Variants in PKHD1 observed in about 807,000 individuals in gnomAD.
PKHD1 encodes fibrocystin.
A neutral mutation model predicts 412.0 loss-of-function variants in PKHD1; 291 were observed. That is an observed-to-expected ratio of 0.71 (90% confidence interval 0.64 to 0.78). PKHD1 has a LOEUF of 0.78. Among genes scored for constraint, PKHD1 ranks in the 30% least tolerant of loss-of-function variants. The probability of loss-of-function intolerance (pLI) is 0.00; values close to 1 mark genes in which losing one functional copy is unlikely to be tolerated. For missense variants in PKHD1, 4,825 were observed against 4,950.7 expected, an observed-to-expected ratio of 0.97 and a Z score of 0.76; for synonymous variants, 1,777 against 1,821.5, an observed-to-expected ratio of 0.98 and a Z score of 0.62.
chr6:51,729,853 A>C (rs1783040224), intron 60 of PKHD1, among the ~76,000 whole-genome samples: 1 of 152,158 alleles, frequency 6.6e-6, no homozygotes, highest in Admixed American at 6.6e-5. Flanking sequence ...ATTTGAGTAC[A>C]TAATATTAAT....
rs201746552 is a variant in PKHD1, at chr6:52,069,473, T to C, written c.762A>G (p.Leu254=). 2.5e-6 allele frequency: 4 copies of C among 1,612,284 alleles called. No individual in the cohort carries two copies. The East Asian group carries it at 8.9e-5, about 36-fold the overall frequency. The stretch of plus-strand genomic sequence containing the variant: ...GGATAGTACCTGAGTGTGTCTGGTA[T>C]AGGAAAAGATCCTGTTTAGCACTGA... ...WLISAKQDLF[L]YQTHSEILSV... Residue 254 remains leucine, a synonymous_variant, in exon 11 of 67, where the codon CTA becomes CTG. Coordinates refer to ENST00000371117, the MANE Select transcript of PKHD1 (RefSeq NM_138694.4).
intron 55 of PKHD1, among the ~76,000 whole-genome samples, chr6:51,763,262 G>T (rs1170106458): frequency 3.3e-5 from 5 of 151,994 alleles, no homozygotes; most frequent in African/African-American, 4.8e-5. Flanking sequence ...AGCATTGAAA[G>T]ATTTAAATGA....
chr6:51,899,652 G>A (rs987705580), intron 43 of PKHD1, among the ~76,000 whole-genome samples: 7 of 151,550 alleles, frequency 4.6e-5, no homozygotes. Flanking sequence ...ACATAGTGTT[G>A]GAAGTTCTGG....
At position 51,619,524 on chromosome 6, in the gene PKHD1, G is replaced by T. The variant is rs777439001; in HGVS notation, c.11786-4C>A. ...AGCATGACCTTCATTCTCATATCTGGGGGGAAAAGAAATAGGGGAAGAAAT... is the reference window on the plus strand; with the variant it reads ...AGCATGACCTTCATTCTCATATCTGTGGGGAAAAGAAATAGGGGAAGAAAT... On this transcript the variant is annotated splice_polypyrimidine_tract_variant and splice_region_variant and intron_variant, in intron 66 of 66. Coordinates refer to ENST00000371117, the MANE Select transcript of PKHD1 (RefSeq NM_138694.4). The T allele has an allele frequency of 1.6e-5, 25 of 1,612,312 alleles. No homozygotes were observed. The highest frequency in any genetic ancestry group is 1.5e-5 in the Non-Finnish European group (18 of 1,178,552).
intron 49 of PKHD1, among the ~76,000 whole-genome samples, chr6:51,853,397 G>C (rs924895373): frequency 1.3e-5 from 2 of 152,090 alleles, no homozygotes; most frequent in African/African-American, 4.8e-5. Flanking sequence ...TCTTCTCATG[G>C]AGTTGGGGTT....
chr6:51,835,220 CAG>C (rs1768987625), intron 51 of PKHD1, among the ~76,000 whole-genome samples: 1 of 152,140 alleles, frequency 6.6e-6, no homozygotes, highest in Non-Finnish European at 1.5e-5. Context: ...ACCCTGACTA[CAG>C]ATGGTTGAAC....
intron 36 of PKHD1, among the ~76,000 whole-genome samples, chr6:51,938,519 ACAAC>A (rs1156625826): frequency 1.6e-5 from 1 of 61,486 alleles, no homozygotes; most frequent in Admixed American, 2.8e-4. Context: ...CCGCCAGAGA[ACAAC>A]CCCCCTTTTT....
chr6:51,923,874 A>C (rs1055317090), intron 37 of PKHD1, among the ~76,000 whole-genome samples: 8 of 152,192 alleles, frequency 5.3e-5, no homozygotes, highest in Non-Finnish European at 8.8e-5. Context: ...GTGTACACAA[A>C]ATAGAAGCGA....
At chr6:51,686,796 A>C (rs1274398668) in intron 60 of PKHD1, among the ~76,000 whole-genome samples, 2 of 152,184 alleles carry the variant, frequency 1.3e-5, no homozygotes, top group Non-Finnish European at 2.9e-5. Context: ...ATTCGTTTTC[A>C]ATGATTAACT....
intron 36 of PKHD1, among the ~76,000 whole-genome samples, chr6:51,949,461 G>C (rs1239992951): frequency 6.6e-6 from 1 of 152,140 alleles, no homozygotes; most frequent in Admixed American, 6.6e-5. Context: ...AGGTGAGGAA[G>C]AGGAGGAAAG....
chr6:51,686,455 G>C (rs1777452998), intron 60 of PKHD1, among the ~76,000 whole-genome samples: 1 of 152,058 alleles, frequency 6.6e-6, no homozygotes, highest in Non-Finnish European at 1.5e-5. Context: ...TTTCTCCCAG[G>C]TGTTCCTGTG....
chr6:51,966,282 G>T (rs530942118), intron 35 of PKHD1, among the ~76,000 whole-genome samples: 1 of 152,252 alleles, frequency 6.6e-6, no homozygotes, highest in East Asian at 1.9e-4. Context: ...TTCCATCCAG[G>T]ACAACTTGAA....
At chr6:51,623,280 T>C (rs1766850691) in intron 66 of PKHD1, among the ~76,000 whole-genome samples, 1 of 152,132 alleles carries the variant, frequency 6.6e-6, no homozygotes, top group East Asian at 1.9e-4. Context: ...ATTCAAGTCT[T>C]CTCTTTATAC....
chr6:51,804,166 C>T (rs1763352130), intron 52 of PKHD1, among the ~76,000 whole-genome samples: 1 of 151,254 alleles, frequency 6.6e-6, no homozygotes, highest in Admixed American at 6.6e-5. Flanking sequence ...GCCCATCCAT[C>T]TCTGATAAAC....
chr6:51,881,083 TTTTTTTTTTC>T (rs2127533889), intron 46 of PKHD1, among the ~76,000 whole-genome samples: 1 of 149,536 alleles, frequency 6.7e-6, no homozygotes, highest in South Asian at 2.1e-4. Context: ...TTCTTTTTTT[TTTTTTTTTTC>T]TTTTTTTGGA....
chr6:51,992,508 T>G (rs953406938), intron 35 of PKHD1, among the ~76,000 whole-genome samples: 1 of 152,220 alleles, frequency 6.6e-6, no homozygotes, highest in African/African-American at 2.4e-5. Context: ...AAGGGTGCAG[T>G]ATGAAGATGA....
At chr6:51,895,227 G>T (rs1779714215) in intron 43 of PKHD1, among the ~76,000 whole-genome samples, 1 of 152,216 alleles carries the variant, frequency 6.6e-6, no homozygotes, top group Non-Finnish European at 1.5e-5. Context: ...GCCAAAGTGG[G>T]GAGATCACTT....
At position 51,772,587 on chromosome 6, in the gene PKHD1, A is replaced by T. The variant is rs1324403725; in HGVS notation, c.8642+115T>A. 5.2e-6 allele frequency: 3 copies of T among 581,056 alleles called. No homozygotes were observed. The South Asian group carries it at 7.9e-5, about 15-fold the overall frequency. 36.0% of individuals were successfully genotyped at this position (581,056 alleles called of 1,614,324 possible). ...TAATCGCTTATTTTTCTACTTGCTC[A>T]TCCTTTAATTATAATGTTTAACCTA... On this transcript the variant is annotated intron_variant, in intron 55 of 66. Coordinates refer to ENST00000371117, the MANE Select transcript of PKHD1 (RefSeq NM_138694.4).
intron 60 of PKHD1, among the ~76,000 whole-genome samples, chr6:51,685,866 G>A (rs1385061875): frequency 6.6e-6 from 1 of 152,100 alleles, no homozygotes; most frequent in Non-Finnish European, 1.5e-5. Context: ...GGAAGATATG[G>A]TGGAGCCTTG....
Sources: gnomAD v4.1 joint callset for allele counts (sites outside exome capture counted in the v4.1 genomes callset) on GRCh38, gnomAD v4.1.1 for gene constraint, MANE v1.5 for transcripts, NCBI Gene and HGNC (gene_info 2026-07-23, HGNC 2026-07-21) for gene names.